The following LINGO2 variants were observed in gnomAD, a reference collection of about 807,000 sequenced individuals.
LINGO2 encodes the protein leucine-rich repeat and immunoglobulin-like domain-containing nogo receptor-interacting protein 2.
LINGO2 carries 14 observed loss-of-function variants against 30.6 expected under a neutral mutation model. The observed-to-expected ratio is 0.46, with a 90% CI of 0.30 to 0.72. The LOEUF (loss-of-function observed/expected upper bound fraction) is 0.72, where lower values mean the gene tolerates loss of function less well. LINGO2 is among the 30% of genes least tolerant of loss of function. LINGO2 has a pLI of 0.07. For synonymous variants in LINGO2, 317 were observed against 288.5 expected, an observed-to-expected ratio of 1.10 and a Z score of -1.00; for missense variants, 729 against 751.7, an observed-to-expected ratio of 0.97 and a Z score of 0.35.
At chr9:28,026,262 C>CT (rs1421020493) in intron 4 of LINGO2, among the ~76,000 whole-genome samples, 2 of 152,166 alleles carry the variant, frequency 1.3e-5, no homozygotes, top group African/African-American at 4.8e-5. Context: ...TACATACCTA[C>CT]TAGACTGTAA....
At chr9:29,063,468 T>C in the LINGO2 span, among the ~76,000 whole-genome samples, 3 of 151,372 alleles carry the variant, frequency 2.0e-5, no homozygotes, top group East Asian at 3.9e-4. Flanking sequence ...AGTGGCGCAA[T>C]CTAGGCTTAC....
the LINGO2 span, among the ~76,000 whole-genome samples, chr9:29,035,033 C>A: frequency 2.6e-5 from 4 of 152,030 alleles, no homozygotes; most frequent in East Asian, 5.8e-4. Context: ...AGCAGAGAAA[C>A]CAAATATTCA....
Position 28,129,259 on chromosome 9 carries a change from T to G in LINGO2, c.-86-116854A>C, listed in dbSNP as rs1367769948. On this transcript the variant is annotated intron_variant, in intron 4 of 5. Transcript: ENST00000379992. The surrounding 1 kb of genome is among the most constrained non-coding windows in gnomAD (Gnocchi z 4.0). The stretch of plus-strand genomic sequence containing the variant: ...GGTAATCGTGGGAGTCAATTCTCCT[T>G]AATAAACTCCTTTTGGTATATACAT... Among the ~76,000 whole-genome samples the G allele has an allele frequency of 6.6e-6, 1 of 152,170 alleles. No individual in the cohort carries two copies. The highest frequency in any genetic ancestry group is 1.5e-5 in the Non-Finnish European group (1 of 68,028).
the LINGO2 span, among the ~76,000 whole-genome samples, chr9:28,905,007 T>C: frequency 6.6e-6 from 1 of 151,812 alleles, no homozygotes; most frequent in African/African-American, 2.4e-5. Context: ...GCAGAGTTGC[T>C]AAGAACACAC....
the LINGO2 span, among the ~76,000 whole-genome samples, chr9:28,993,317 A>T: frequency 3.9e-5 from 6 of 152,200 alleles, no homozygotes; most frequent in African/African-American, 1.2e-4. Flanking sequence ...CTAAACCAGG[A>T]AAAAGTTGAA....
the LINGO2 span, among the ~76,000 whole-genome samples, chr9:28,910,899 T>C: frequency 2.0e-5 from 3 of 152,012 alleles, no homozygotes; most frequent in South Asian, 2.1e-4. Context: ...AGAAAAAAAT[T>C]TGTTGTTTGA....
At chr9:28,954,025 A>G in the LINGO2 span, among the ~76,000 whole-genome samples, 2 of 152,152 alleles carry the variant, frequency 1.3e-5, no homozygotes, top group African/African-American at 4.8e-5. Flanking sequence ...TCTTATCCGA[A>G]TAATTTTAAA....
the LINGO2 span, among the ~76,000 whole-genome samples, chr9:29,077,153 A>T: frequency 1.3e-5 from 2 of 152,100 alleles, no homozygotes; most frequent in African/African-American, 2.4e-5. Context: ...TGTGAATCTT[A>T]TATCTAATAT....
At chr9:28,837,686 G>GTAT in the LINGO2 span, among the ~76,000 whole-genome samples, 6 of 55,762 alleles carry the variant, frequency 1.1e-4, no homozygotes, top group East Asian at 1.7e-3. Context: ...ATATATTTAG[G>GTAT]ATAACAGGGG....
intron 1 of LINGO2, among the ~76,000 whole-genome samples, chr9:28,570,909 A>AAATT (rs1157278411): frequency 2.6e-5 from 4 of 152,000 alleles, no homozygotes; most frequent in Admixed American, 6.6e-5. Flanking sequence ...ATGTGCTTAA[A>AAATT]AACATCCACA....
the LINGO2 span, among the ~76,000 whole-genome samples, chr9:28,789,108 AAT>A: frequency 6.6e-6 from 1 of 152,162 alleles, no homozygotes; most frequent in East Asian, 1.9e-4. Context: ...ATAAACTTAG[AAT>A]ATATATACAC....
the LINGO2 span, among the ~76,000 whole-genome samples, chr9:28,883,628 G>GTA: frequency 8.2e-3 from 524 of 64,060 alleles, 4 homozygotes; most frequent in African/African-American, 0.013. Context: ...ATGTGTGTGT[G>GTA]TATATATATA....
chr9:28,093,206 T>A (rs1826147645), intron 4 of LINGO2, among the ~76,000 whole-genome samples: 1 of 152,080 alleles, frequency 6.6e-6, no homozygotes, highest in African/African-American at 2.4e-5. Context: ...GAAAGAAATG[T>A]AAGAAGCAAT....
intron 3 of LINGO2, among the ~76,000 whole-genome samples, chr9:28,354,242 G>A (rs529408559): frequency 5.3e-5 from 8 of 152,160 alleles, no homozygotes; most frequent in African/African-American, 1.2e-4. Context: ...AAGGTGATAC[G>A]GTACTCATAC....
At chr9:28,023,351 C>T (rs1823226429) in intron 4 of LINGO2, among the ~76,000 whole-genome samples, 1 of 152,070 alleles carries the variant, frequency 6.6e-6, no homozygotes, top group African/African-American at 2.4e-5. Context: ...TATTTGGGTA[C>T]CCTAATAGAG....
At chr9:28,918,302 A>AC in the LINGO2 span, among the ~76,000 whole-genome samples, 7 of 151,808 alleles carry the variant, frequency 4.6e-5, no homozygotes, top group East Asian at 1.9e-4. Flanking sequence ...GGGGAAAACC[A>AC]CCCCCCCAGG....
the LINGO2 span, among the ~76,000 whole-genome samples, chr9:28,787,466 A>C: frequency 6.6e-6 from 1 of 152,202 alleles, no homozygotes; most frequent in Non-Finnish European, 1.5e-5. Flanking sequence ...AAATGAAGAG[A>C]GAATAATTCA....
At chr9:29,178,421 A>C in the LINGO2 span, among the ~76,000 whole-genome samples, 2 of 152,050 alleles carry the variant, frequency 1.3e-5, no homozygotes, top group African/African-American at 4.8e-5. Context: ...TTATCTATCT[A>C]TTTGCTCATT....
At chr9:28,039,793 A>G (rs1000647945) in intron 4 of LINGO2, among the ~76,000 whole-genome samples, 1 of 152,184 alleles carries the variant, frequency 6.6e-6, no homozygotes, top group Non-Finnish European at 1.5e-5. Flanking sequence ...TCCTTAATAG[A>G]CACAAATGCC....
Sources: gnomAD v4.1 joint callset for allele counts (sites outside exome capture counted in the v4.1 genomes callset) on GRCh38, gnomAD v4.1.1 for gene constraint, Gnocchi (gnomAD v3.1) non-coding constraint, MANE v1.5 for transcripts, NCBI Gene and HGNC (gene_info 2026-07-23, HGNC 2026-07-21) for gene names.